The following SH3PXD2B variants were observed in gnomAD, a reference collection of about 807,000 sequenced individuals.
SH3PXD2B encodes the protein SH3 and PX domain-containing protein 2B.
Under a neutral mutation model 73.1 loss-of-function variants are expected in SH3PXD2B, and 37 were observed. The ratio of observed to expected loss-of-function variants is 0.51; its 90% confidence interval spans 0.39 to 0.67. The LOEUF (loss-of-function observed/expected upper bound fraction) is 0.67, where lower values mean the gene tolerates loss of function less well. Ranked by LOEUF, SH3PXD2B falls within the 30% of genes least tolerant of loss-of-function variation. SH3PXD2B has a pLI of 0.00. For synonymous variants in SH3PXD2B, 457 were observed against 480.5 expected (o/e 0.95, Z 0.64); for missense variants, 1,053 against 1,197.8 (o/e 0.88, Z 1.78).
chr5:172,425,720 G>A (rs1017423623), intron 1 of SH3PXD2B, among the ~76,000 whole-genome samples: 1 of 151,904 alleles, frequency 6.6e-6, no homozygotes, highest in Non-Finnish European at 1.5e-5. Flanking sequence ...GGTGGGGGAG[G>A]CGTGCGACAG....
chr5:172,336,456 G>A lies in SH3PXD2B; in HGVS notation c.*1913C>T, dbSNP rs751403291. On this transcript the variant is annotated 3_prime_UTR_variant, in exon 13 of 13. Coordinates refer to ENST00000311601, the MANE Select transcript of SH3PXD2B (RefSeq NM_001017995.3). The stretch of plus-strand genomic sequence containing the variant: ...CTCTGGGAAATGGGATTTGCAGGCC[G>A]ACTGGACGAAGGCACTAAAGATGCT... The A allele has an allele frequency of 1.7e-4, 168 of 985,908 alleles. No homozygotes were observed. The highest frequency in any genetic ancestry group is 1.9e-4 in the Non-Finnish European group (161 of 830,044). The allele number at this position is 985,908 out of a possible 1,614,324, so 61.1% of individuals were successfully genotyped here. A position where few individuals can be genotyped will look rare whatever the true frequency, so the allele number is the denominator to read the frequency against.
chr5:172,368,469 TATATATATATATAAAATATATATATATTA>T, intron 6 of SH3PXD2B, among the ~76,000 whole-genome samples: 1 of 11,098 alleles, frequency 9.0e-5, no homozygotes, highest in South Asian at 2.5e-3. Context: ...ATATATATAT[TATATATATATATAAAATATATATATATTA>T]TATATATATA....
At chr5:172,329,057 GTGTATA>G (rs1465992769), downstream of SH3PXD2B, among the ~76,000 whole-genome samples, 25 of 105,118 alleles carry the variant, frequency 2.4e-4, no homozygotes, top group South Asian at 3.8e-4. Context: ...GTGTGTGTGT[GTGTATA>G]TATATATATA....
intron 5 of SH3PXD2B, among the ~76,000 whole-genome samples, chr5:172,378,818 C>T (rs192028270): frequency 1.5e-3 from 226 of 152,260 alleles, no homozygotes; most frequent in African/African-American, 5.2e-3. Flanking sequence ...TGCCTGTAAT[C>T]CCAGCACTTT....
chr5:172,389,198 G>A lies in SH3PXD2B; in HGVS notation c.309+5365C>T, dbSNP rs184719964. 4.6e-5 allele frequency among the ~76,000 whole-genome samples: 7 copies of A among 151,888 alleles called. 1 individual carries two copies. Among genetic ancestry groups the A allele is most frequent in the African/African-American group, 1.4e-4 (6 of 41,440 alleles). On this transcript the variant is annotated intron_variant, in intron 4 of 12. Transcript: ENST00000311601. Reference sequence around the variant, plus strand: ...AGCCTCCTGAGTAGCTGGGATTACAGGTGCCGACCACCACACCTGGATAAT... The same window carrying A: ...AGCCTCCTGAGTAGCTGGGATTACAAGTGCCGACCACCACACCTGGATAAT...
intron 1 of SH3PXD2B, among the ~76,000 whole-genome samples, chr5:172,436,194 C>A (rs1186760497): frequency 6.6e-6 from 1 of 152,246 alleles, no homozygotes; most frequent in African/African-American, 2.4e-5. Flanking sequence ...CTGGAGGGCT[C>A]TTAGAAGTGA....
At chr5:172,381,050 T>G (rs1581292625) in intron 5 of SH3PXD2B, among the ~76,000 whole-genome samples, 1 of 152,176 alleles carries the variant, frequency 6.6e-6, no homozygotes. Flanking sequence ...TTTAAAAAAT[T>G]TTTGTGATTC....
chr5:172,408,616 G>T (rs1365722932), intron 2 of SH3PXD2B, among the ~76,000 whole-genome samples: 1 of 135,336 alleles, frequency 7.4e-6, no homozygotes, highest in Admixed American at 8.6e-5. Flanking sequence ...TTGGTTCACT[G>T]CAACCTCCAC....
At chr5:172,399,508 C>T (rs532929778) in intron 3 of SH3PXD2B, among the ~76,000 whole-genome samples, 13 of 152,274 alleles carry the variant, frequency 8.5e-5, no homozygotes, top group African/African-American at 2.9e-4. Flanking sequence ...AGGGAAAAGA[C>T]GTCCGCGTCA....
chr5:172,382,208 C>T (rs766241508), intron 4 of SH3PXD2B, 81 bp from the exon 5 acceptor site: 46 of 1,172,708 alleles, frequency 3.9e-5, no homozygotes, highest in Middle Eastern at 5.6e-4. Context: ...CCCAGCTACT[C>T]GGGAGGCTGA....
rs1326389699 is a variant in SH3PXD2B, at chr5:172,339,697, G to C, written c.1408C>G (p.Leu470Val). ...ATGACACCATGCGGTGCGTCAGGCA[G>C]GGGCCGGGAGGGGCCCGTGGCTTCG... is the stretch of plus-strand genomic sequence containing the variant. ...GSEATGPSRP[L>V]PDAPHGVMDS... The change falls in exon 13 of 13, where the codon CTG (leucine) becomes GTG (valine). Residue 470 changes from leucine to valine, a missense_variant. Transcript: ENST00000311601. This position sits in a 1 kb window ranked among gnomAD's most constrained non-coding sequence, Gnocchi z 6.1. 2 of 1,614,118 alleles carry C rather than the reference G, an allele frequency of 1.2e-6. No homozygotes were observed. Among genetic ancestry groups the C allele is most frequent in the African/African-American group, 1.3e-5 (1 of 74,950 alleles).
chr5:172,362,919 G>C (rs770260302), intron 6 of SH3PXD2B, 50 bp from the exon 7 acceptor site: 11 of 1,612,252 alleles, frequency 6.8e-6, no homozygotes, highest in Non-Finnish European at 9.3e-6. Flanking sequence ...ATGCATGAAA[G>C]AGCAGGAGTC....
intron 1 of SH3PXD2B, among the ~76,000 whole-genome samples, chr5:172,429,856 T>G (rs1434159742): frequency 6.6e-6 from 1 of 152,192 alleles, no homozygotes; most frequent in East Asian, 1.9e-4. Context: ...ATGCCCCAGC[T>G]TGGCTGCAGC....
chr5:172,338,496 A>G lies in SH3PXD2B; in HGVS notation c.2609T>C (p.Phe870Ser). Reference sequence around the variant, plus strand: ...GACTTCAAACACTGTCCCTTCCTGGAAGCTGCTGGTGTCTTTGTCTCCTTC... The same window carrying G: ...GACTTCAAACACTGTCCCTTCCTGGGAGCTGCTGGTGTCTTTGTCTCCTTC... Reference protein sequence around the residue: ...DFEGDKDTSSFQEGTVFEVRE... With the variant: ...DFEGDKDTSSSQEGTVFEVRE... Residue 870 changes from phenylalanine (F) to serine (S), a missense_variant, in exon 13 of 13, where the codon TTC (phenylalanine) becomes TCC (serine). Physicochemically the swap from Phe to Ser is radical, Grantham distance 155. This residue lies in a region of SH3PXD2B where 587 missense variants were observed against 590.7 expected (regional missense o/e 0.99). Coordinates refer to ENST00000311601, the MANE Select transcript of SH3PXD2B (RefSeq NM_001017995.3). The surrounding 1 kb of genome is among the most constrained non-coding windows in gnomAD (Gnocchi z 5.1). 1 of 1,614,142 alleles carries G rather than the reference A, an allele frequency of 6.2e-7. No homozygotes were observed. The highest frequency in any genetic ancestry group is 8.5e-7 in the Non-Finnish European group (1 of 1,180,030).
chr5:172,335,527 C>G lies in SH3PXD2B; in HGVS notation c.*2842G>C. ...GAACCTTAATTTTCTCACTATAGAT[C>G]AGGGCTGGTCCTATCCGCCTCACAG... is the stretch of plus-strand genomic sequence containing the variant. On this transcript the variant is annotated 3_prime_UTR_variant, in exon 13 of 13. Transcript: ENST00000311601. 8.1e-7 allele frequency: 1 copy of G among 1,231,746 alleles called. No individual in the cohort carries two copies. The highest frequency in any genetic ancestry group is 4.1e-5 in the South Asian group (1 of 24,310). The allele number at this position is 1,231,746 out of a possible 1,614,324, so 76.3% of individuals were successfully genotyped here. A position where few individuals can be genotyped will look rare whatever the true frequency, so the allele number is the denominator to read the frequency against.
intron 1 of SH3PXD2B, among the ~76,000 whole-genome samples, chr5:172,429,901 C>T (rs774915099): frequency 6.6e-5 from 10 of 152,286 alleles, no homozygotes; most frequent in Middle Eastern, 3.4e-3. Flanking sequence ...GTCTGCTCAC[C>T]CTCCTAACTG....
Position 172,338,715 on chromosome 5 carries a change from G to T in SH3PXD2B, c.2390C>A (p.Ala797Asp). ...ESRAAPTPGR[A>D]LLVPPKAKPF... ...TTTGGCTTTTGGAGGGACGAGGAGA[G>T]CACGGCCTGGGGTGGGAGCTGCCCT... The change falls in exon 13 of 13, where the codon GCT (alanine) becomes GAT (aspartate). Residue 797 changes from alanine to aspartate, a missense_variant. Around this residue, in one of 2 missense-constraint regions of SH3PXD2B, gnomAD observed 587 missense variants for 590.7 expected, o/e 0.99. Coordinates refer to ENST00000311601, the MANE Select transcript of SH3PXD2B (RefSeq NM_001017995.3). This position sits in a 1 kb window ranked among gnomAD's most constrained non-coding sequence, Gnocchi z 5.1. The T allele has an allele frequency of 6.2e-7, 1 of 1,614,248 alleles. No individual in the cohort carries two copies. Among genetic ancestry groups the T allele is most frequent in the Non-Finnish European group, 8.5e-7 (1 of 1,180,046 alleles).
intron 11 of SH3PXD2B, among the ~76,000 whole-genome samples, chr5:172,346,926 G>A (rs1019263490): frequency 3.9e-5 from 6 of 152,136 alleles, no homozygotes; most frequent in African/African-American, 1.4e-4. Flanking sequence ...GATTATGAGC[G>A]CAGAATATCA....
In SH3PXD2B at chr5:172,358,859, G is replaced by A. The variant is rs776019100; in HGVS notation, c.581C>T (p.Thr194Ile). 6.2e-7 allele frequency: 1 copy of A among 1,614,062 alleles called. No individual in the cohort carries two copies. The highest frequency in any genetic ancestry group is 8.5e-7 in the Non-Finnish European group (1 of 1,179,964). ...KNESGWWFVS[T>I]AEEQGWVPAT... ...AGGGACCCAGCCTTGCTCCTCGGCA[G>A]TGCTGACGAACCACCAACCTGGGGA... Residue 194 changes from threonine to isoleucine, a missense_variant, in exon 8 of 13, where the codon ACT (threonine) becomes ATT (isoleucine). Coordinates refer to ENST00000311601, the MANE Select transcript of SH3PXD2B (RefSeq NM_001017995.3).
Sources: allele counts gnomAD v4.1 joint callset (sites outside exome capture counted in the v4.1 genomes callset), GRCh38; gene constraint gnomAD v4.1.1; regional missense constraint gnomAD v4.1.1; non-coding constraint Gnocchi (gnomAD v3.1); transcripts MANE v1.5; gene names NCBI Gene and HGNC (gene_info 2026-07-23, HGNC 2026-07-21).